The following PLCB4 variants were observed in gnomAD, a reference collection of about 807,000 sequenced individuals.
PLCB4 encodes the protein 1-phosphatidylinositol 4,5-bisphosphate phosphodiesterase beta-4.
A neutral mutation model predicts 178.8 loss-of-function variants in PLCB4; 77 were observed. That is an observed-to-expected ratio of 0.43 (90% CI 0.36 to 0.52). The LOEUF (loss-of-function observed/expected upper bound fraction) is 0.52, where lower values mean the gene tolerates loss of function less well. PLCB4 is among the 20% of genes least tolerant of loss of function. The pLI is 0.00. For synonymous variants in PLCB4, 496 were observed against 490.8 expected, an observed-to-expected ratio of 1.01 and a Z score of -0.14; for missense variants, 1,024 against 1,453.4, an observed-to-expected ratio of 0.70 and a Z score of 4.80.
intron 17 of PLCB4, 54 bp from the exon 18 acceptor site, chr20:9,393,534 G>A (rs1431142814): frequency 1.8e-5 from 22 of 1,207,312 alleles, no homozygotes; most frequent in Non-Finnish European, 2.7e-5. Context: ...GACTGGGAAG[G>A]AGAATGGAGA....
At chr20:9,231,453 C>T (rs557444255) in intron 3 of PLCB4, among the ~76,000 whole-genome samples, 1 of 152,234 alleles carries the variant, frequency 6.6e-6, no homozygotes, top group African/African-American at 2.4e-5. Context: ...CTGCCACCTT[C>T]TTGCTGTATT....
intron 2 of PLCB4, among the ~76,000 whole-genome samples, chr20:9,168,408 A>C (rs1331221328): frequency 6.6e-6 from 1 of 152,184 alleles, no homozygotes; most frequent in African/African-American, 2.4e-5. Context: ...GCTGTTGATG[A>C]AGCTGCTGTT....
At chr20:9,403,200 C>T (rs900189980) in intron 20 of PLCB4, among the ~76,000 whole-genome samples, 16 of 151,920 alleles carry the variant, frequency 1.1e-4, no homozygotes, top group African/African-American at 7.3e-5. Flanking sequence ...GTCATTATCA[C>T]GCGTATATAG....
chr20:9,291,170 A>G (rs1225889726), intron 3 of PLCB4, among the ~76,000 whole-genome samples: 2 of 152,078 alleles, frequency 1.3e-5, no homozygotes, highest in East Asian at 3.9e-4. Flanking sequence ...TAAACTTTGT[A>G]TTTTTCTGAT....
intron 3 of PLCB4, among the ~76,000 whole-genome samples, chr20:9,227,054 A>G (rs2093874849): frequency 6.6e-6 from 1 of 151,864 alleles, no homozygotes; most frequent in Non-Finnish European, 1.5e-5. Flanking sequence ...TATATTCCCT[A>G]ATGACTGATG....
intron 20 of PLCB4, among the ~76,000 whole-genome samples, chr20:9,404,641 A>G (rs2039300732): frequency 6.6e-6 from 1 of 151,494 alleles, no homozygotes; most frequent in South Asian, 2.1e-4. Context: ...TAAAGCCTTC[A>G]TCAATATTGT....
intron 7 of PLCB4, among the ~76,000 whole-genome samples, chr20:9,360,513 T>G (rs939616494): frequency 2.6e-5 from 4 of 152,134 alleles, no homozygotes; most frequent in African/African-American, 9.7e-5. Context: ...GGACTTTGTT[T>G]TGTGTTTTAG....
chr20:9,470,366 G>T (rs113662610), intron 36 of PLCB4, among the ~76,000 whole-genome samples: 3 of 151,998 alleles, frequency 2.0e-5, no homozygotes, highest in African/African-American at 7.2e-5. Context: ...TCATTCTCTG[G>T]ATGTTATTCT....
chr20:9,262,316 CGAGT>C (rs11467633), intron 3 of PLCB4, among the ~76,000 whole-genome samples: 4,863 of 151,678 alleles, frequency 0.032, 128 homozygotes, highest in African/African-American at 0.064. Flanking sequence ...GGTGAGTGAG[CGAGT>C]GAGTGAGTGA....
chr20:9,181,225 G>T (rs964862004), intron 2 of PLCB4, among the ~76,000 whole-genome samples: 2 of 152,102 alleles, frequency 1.3e-5, no homozygotes, highest in Admixed American at 1.3e-4. Context: ...CTCCCAAATG[G>T]TGCTGATCTA....
intron 4 of PLCB4, among the ~76,000 whole-genome samples, chr20:9,313,911 C>A (rs1198375377): frequency 2.0e-5 from 3 of 152,154 alleles, no homozygotes; most frequent in African/African-American, 7.2e-5. Context: ...GAATGATCTC[C>A]TTGTGGTGTG....
At chr20:9,086,439 G>A (rs1382279221) in intron 1 of PLCB4, among the ~76,000 whole-genome samples, 1 of 152,084 alleles carries the variant, frequency 6.6e-6, no homozygotes, top group Non-Finnish European at 1.5e-5. Context: ...CTGAGAAGCC[G>A]AGTGACCTTG....
intron 7 of PLCB4, among the ~76,000 whole-genome samples, chr20:9,349,278 A>T (rs1013660679): frequency 6.6e-6 from 1 of 152,126 alleles, no homozygotes; most frequent in African/African-American, 2.4e-5. Flanking sequence ...TGCATGCCCA[A>T]TAAGCGGGTT....
chr20:9,154,870 T>C (rs1197136289), intron 2 of PLCB4, among the ~76,000 whole-genome samples: 4 of 124,632 alleles, frequency 3.2e-5, no homozygotes, highest in South Asian at 3.4e-4. Flanking sequence ...CTCCCTCCCT[T>C]CCTTCCTTCT....
At position 9,181,689 on chromosome 20, in the gene PLCB4, C is replaced by T. The variant is rs866622149; in HGVS notation, c.-78-35701C>T. Among the ~76,000 whole-genome samples the T allele has an allele frequency of 1.3e-4, 20 of 152,216 alleles. No homozygotes were observed. The Middle Eastern group carries it at 0.01, about 78-fold the overall frequency. ...TAAATCCCATCATACAGGCCCCATCCTCATGACCTAATCCAACTCTAATTA... is the reference window on the plus strand; with the variant it reads ...TAAATCCCATCATACAGGCCCCATCTTCATGACCTAATCCAACTCTAATTA... On this transcript the variant is annotated intron_variant, in intron 2 of 39. Transcript: ENST00000378473.
intron 1 of PLCB4, among the ~76,000 whole-genome samples, chr20:9,094,600 C>A (rs910201948): frequency 2.0e-5 from 3 of 152,162 alleles, no homozygotes; most frequent in African/African-American, 7.2e-5. Context: ...ATATATCCAT[C>A]ATTACACTGT....
chr20:9,349,892 G>A (rs1289013607), intron 7 of PLCB4, among the ~76,000 whole-genome samples: 1 of 152,160 alleles, frequency 6.6e-6, no homozygotes, highest in East Asian at 1.9e-4. Flanking sequence ...ATGCTGACAT[G>A]GGCCTACATG....
chr20:9,272,190 A>AC (rs71184140), intron 3 of PLCB4, among the ~76,000 whole-genome samples: 4 of 109,390 alleles, frequency 3.7e-5, no homozygotes, highest in Non-Finnish European at 6.8e-5. Flanking sequence ...CACCCCCCTC[A>AC]AAAAAAAAAA....
intron 9 of PLCB4, among the ~76,000 whole-genome samples, chr20:9,368,651 C>T (rs138136091): frequency 6.6e-6 from 1 of 152,286 alleles, no homozygotes; most frequent in East Asian, 1.9e-4. Flanking sequence ...ATCCTTCACT[C>T]AAGAGTTCTC....
Sources: allele counts gnomAD v4.1 joint callset (sites outside exome capture counted in the v4.1 genomes callset), GRCh38; gene constraint gnomAD v4.1.1; transcripts MANE v1.5; gene names NCBI Gene and HGNC (gene_info 2026-07-23, HGNC 2026-07-21).